TMEM229A: variants seen among roughly 807,000 people sequenced by gnomAD.
The protein encoded by TMEM229A is transmembrane protein 229A.
In TMEM229A, 23 loss-of-function variants were observed where a neutral mutation model predicts 30.0. That is an observed-to-expected ratio of 0.77 (90% CI 0.55 to 1.09). The LOEUF is 1.09. Among genes scored for constraint, TMEM229A ranks in the 50% least tolerant of loss-of-function variants. The pLI is 0.00. For missense variants in TMEM229A, 534 were observed against 525.9 expected (o/e 1.02, Z -0.15); for synonymous variants, 264 against 241.5 (o/e 1.09, Z -0.86).
In TMEM229A at chr7:124,032,305, G is replaced by A. The variant is rs931368270; in HGVS notation, c.699C>T (p.Ala233=). ...GTAGGTCGGGCAGCCCCTGGCTGGGGGCTCCCCCGGCGCCCCTGGGGCCAC... is the reference window on the plus strand; with the variant it reads ...GTAGGTCGGGCAGCCCCTGGCTGGGAGCTCCCCCGGCGCCCCTGGGGCCAC... ...RPRGPRGAGG[A]PSQGLPDLPR... The change falls in exon 1 of 1, where the codon GCC becomes GCT. Residue 233 remains alanine (A), a synonymous_variant. Transcript: ENST00000455783. The surrounding 1 kb of genome is among the most constrained non-coding windows in gnomAD (Gnocchi z 6.6). 1 of 1,549,956 alleles carries A rather than the reference G, an allele frequency of 6.5e-7. No individual in the cohort carries two copies.
Position 124,032,513 on chromosome 7 carries a change from A to C in TMEM229A, c.491T>G (p.Val164Gly). Reference sequence around the variant, plus strand: ...CACTTGGCAGTGGTAGAGCGCCAGCACGTACTGCAGCGCCAGGTCCAGCGC... The same window carrying C: ...CACTTGGCAGTGGTAGAGCGCCAGCCCGTACTGCAGCGCCAGGTCCAGCGC... ...PGALDLALQY[V>G]LALYHCQVFL... Residue 164 changes from valine to glycine, a missense_variant, in exon 1 of 1, where the codon GTG becomes GGG. Transcript: ENST00000455783. The surrounding 1 kb of genome is among the most constrained non-coding windows in gnomAD (Gnocchi z 6.6). 6.5e-7 allele frequency: 1 copy of C among 1,550,068 alleles called. No individual in the cohort carries two copies. Among genetic ancestry groups the C allele is most frequent in the Non-Finnish European group, 8.7e-7 (1 of 1,146,442 alleles).
Position 124,032,821 on chromosome 7 carries a change from C to T in TMEM229A, c.183G>A (p.Gly61=), listed in dbSNP as rs759879833. 3.1e-4 allele frequency: 486 copies of T among 1,549,816 alleles called. 6 individuals are homozygous for T. The Middle Eastern group carries it at 8.2e-3, about 26-fold the overall frequency. Residue 61 remains glycine, a synonymous_variant, in exon 1 of 1, where the codon GGG becomes GGA. Transcript: ENST00000455783. This position sits in a 1 kb window ranked among gnomAD's most constrained non-coding sequence, Gnocchi z 6.6. ...LPAWMRLYFY[G]MHGITLDVLV... The stretch of plus-strand genomic sequence containing the variant: ...GCACGTCCAGGGTGATCCCGTGCAT[C>T]CCGTAGAAGTAGAGGCGCATCCAGG...
In TMEM229A at chr7:124,032,054, A is replaced by G; in HGVS notation, c.950T>C (p.Ile317Thr). ...ACCCCAGGACAGCTCCCACACGTAG[A>G]TGAAGATCACGTAGATGGGCACCCG... is the stretch of plus-strand genomic sequence containing the variant. ...WKRVPIYVIF[I>T]YVWELSWGLG... The change falls in exon 1 of 1, where the codon ATC (isoleucine) becomes ACC (threonine). Residue 317 changes from isoleucine to threonine, a missense_variant. Transcript: ENST00000455783. This position sits in a 1 kb window ranked among gnomAD's most constrained non-coding sequence, Gnocchi z 6.6. 1 of 1,551,696 alleles carries G rather than the reference A, an allele frequency of 6.4e-7. No individual in the cohort carries two copies. Among genetic ancestry groups the G allele is most frequent in the Non-Finnish European group, 8.7e-7 (1 of 1,146,994 alleles).
In TMEM229A at chr7:124,032,376, C is replaced by T; in HGVS notation, c.628G>A (p.Gly210Ser). The change falls in exon 1 of 1, where the codon GGC (glycine) becomes AGC (serine). Residue 210 changes from glycine (G) to serine (S), a missense_variant. By Grantham distance (56) the Gly-to-Ser change is moderately conservative. Transcript: ENST00000455783. This position sits in a 1 kb window ranked among gnomAD's most constrained non-coding sequence, Gnocchi z 6.6. Reference sequence around the variant, plus strand: ...CCGGCCGCAGTAGGGACCCGGGCGCCGGGAGGGACGGGGAGCGCGCCCCTC... The same window carrying T: ...CCGGCCGCAGTAGGGACCCGGGCGCTGGGAGGGACGGGGAGCGCGCCCCTC... ...QRRGALPVPP[G>S]ARVPTAAGAR... 1 of 1,541,034 alleles carries T rather than the reference C, an allele frequency of 6.5e-7. No individual in the cohort carries two copies. The highest frequency in any genetic ancestry group is 8.7e-7 in the Non-Finnish European group (1 of 1,144,024).
rs1393880836 is a variant in TMEM229A at position 124,032,832 on chromosome 7, A to G, written c.172T>C (p.Tyr58His). 6.5e-7 allele frequency: 1 copy of G among 1,547,828 alleles called. No individual in the cohort carries two copies. The highest frequency in any genetic ancestry group is 2.0e-5 in the Admixed American group (1 of 50,748). ...GTGATCCCGTGCATCCCGTAGAAGT[A>G]GAGGCGCATCCAGGCGGGCAGCGTG... The part of the protein sequence containing the change: ...SATLPAWMRL[Y>H]FYGMHGITLD... The change falls in exon 1 of 1, where the codon TAC becomes CAC. Residue 58 changes from tyrosine (Y) to histidine (H), a missense_variant. Physicochemically the swap from Tyr to His is moderately conservative, Grantham distance 83 (BLOSUM62 2). Coordinates refer to ENST00000455783, the MANE Select transcript of TMEM229A (RefSeq NM_001136002.2). This position sits in a 1 kb window ranked among gnomAD's most constrained non-coding sequence, Gnocchi z 6.6.
rs753043980 is a variant in TMEM229A at position 124,032,105 on chromosome 7, T to C, written c.899A>G (p.Tyr300Cys). ...VVEKLYFHLH[Y>C]SRGWGTWKRV... ...CTTCCAAGTGCCCCAACCGCGGCTG[T>C]AGTGGAGGTGGAAGTAGAGCTTTTC... The change falls in exon 1 of 1, where the codon TAC becomes TGC. Residue 300 changes from tyrosine (Y) to cysteine (C), a missense_variant. Physicochemically the swap from Tyr to Cys is radical, Grantham distance 194. Transcript: ENST00000455783. This position sits in a 1 kb window ranked among gnomAD's most constrained non-coding sequence, Gnocchi z 6.6. The C allele has an allele frequency of 1.9e-5, 29 of 1,551,498 alleles. No individual in the cohort carries two copies. Among genetic ancestry groups the C allele is most frequent in the Non-Finnish European group, 2.4e-5 (27 of 1,146,978 alleles).
Position 124,032,578 on chromosome 7 carries a change from G to A in TMEM229A, c.426C>T (p.Leu142=), listed in dbSNP as rs1409029517. The A allele has an allele frequency of 2.1e-5, 33 of 1,550,134 alleles. No individual in the cohort carries two copies. The highest frequency in any genetic ancestry group is 2.7e-5 in the African/African-American group (2 of 73,010). ...CGACCCCCGCCCCGCCGCCCAGGCT[G>A]AGTAGTAGCGCCTGGCCCGCTAGGG... ...LQTLAGQALL[L]SLGGGAGVAV... Residue 142 remains leucine (L), a synonymous_variant, in exon 1 of 1, where the codon CTC becomes CTT. Transcript: ENST00000455783. This position sits in a 1 kb window ranked among gnomAD's most constrained non-coding sequence, Gnocchi z 6.6.
chr7:124,032,632 G>A lies in TMEM229A; in HGVS notation c.372C>T (p.Leu124=). 6 of 1,551,306 alleles carry A rather than the reference G, an allele frequency of 3.9e-6. No homozygotes were observed. The highest frequency in any genetic ancestry group is 5.2e-6 in the Non-Finnish European group (6 of 1,146,784). The change falls in exon 1 of 1, where the codon CTC becomes CTT. Residue 124 remains leucine, a synonymous_variant. Coordinates refer to ENST00000455783, the MANE Select transcript of TMEM229A (RefSeq NM_001136002.2). The surrounding 1 kb of genome is among the most constrained non-coding windows in gnomAD (Gnocchi z 6.6). ...GCAGCCCCACGTGGGCCGAGGGGTAGAGGAGGAAATTGAAGACGAAGGCGT... is the reference window on the plus strand; with the variant it reads ...GCAGCCCCACGTGGGCCGAGGGGTAAAGGAGGAAATTGAAGACGAAGGCGT... ...CPNAFVFNFL[L]YPSAHVGLQT... is the part of the protein sequence containing the mutation.
Position 124,031,928 on chromosome 7 carries a change from A to T in TMEM229A, c.1076T>A (p.Phe359Tyr), listed in dbSNP as rs1159241785. The T allele has an allele frequency of 2.6e-6, 4 of 1,551,680 alleles. No homozygotes were observed. Among genetic ancestry groups the T allele is most frequent in the Non-Finnish European group, 3.5e-6 (4 of 1,147,002 alleles). The change falls in exon 1 of 1, where the codon TTC (phenylalanine) becomes TAC (tyrosine). Residue 359 changes from phenylalanine to tyrosine, a missense_variant. By Grantham distance (22) the Phe-to-Tyr change is conservative (BLOSUM62 3). Coordinates refer to ENST00000455783, the MANE Select transcript of TMEM229A (RefSeq NM_001136002.2). This position sits in a 1 kb window ranked among gnomAD's most constrained non-coding sequence, Gnocchi z 4.1. ...AATTAGGTCCTGGTACACACTAAGG[A>T]ATATCCAGCCAGGTAAATACATCAG... Reference protein sequence around the residue: ...ITLMYLPGWIFLSVYQDLISN... With the variant: ...ITLMYLPGWIYLSVYQDLISN...
In TMEM229A at chr7:124,032,945, C is replaced by A. The variant is rs1563050416; in HGVS notation, c.59G>T (p.Arg20Leu). ...TCCTGGCCCGCCAGGGGCCCCCGGA[C>A]GCCGCGCCGCGCCGCCCCTCCGTGC... ...GPARRGGAARRPGAPGGPGSE... is the reference protein window; with the variant it reads ...GPARRGGAARLPGAPGGPGSE... The change falls in exon 1 of 1, where the codon CGT becomes CTT. Residue 20 changes from arginine (R) to leucine (L), a missense_variant. Coordinates refer to ENST00000455783, the MANE Select transcript of TMEM229A (RefSeq NM_001136002.2). This position sits in a 1 kb window ranked among gnomAD's most constrained non-coding sequence, Gnocchi z 6.6. 1.5e-6 allele frequency: 2 copies of A among 1,338,042 alleles called. No individual in the cohort carries two copies. The highest frequency in any genetic ancestry group is 1.9e-6 in the Non-Finnish European group (2 of 1,050,300). The allele number at this position is 1,338,042 out of a possible 1,614,324, so 82.9% of individuals were successfully genotyped here. A position where few individuals can be genotyped will look rare whatever the true frequency, so the allele number is the denominator to read the frequency against.
At position 124,031,435 on chromosome 7, in the gene TMEM229A, A is replaced by G. The variant is rs1793131266; in HGVS notation, c.*426T>C. On this transcript the variant is annotated 3_prime_UTR_variant, in exon 1 of 1. Transcript: ENST00000455783. The surrounding 1 kb of genome is among the most constrained non-coding windows in gnomAD (Gnocchi z 4.1). ...AAAGTAAAACAAATCACTGAATCAG[A>G]AAATTTAGCCAAATCTTGTAAAAAT... is the stretch of plus-strand genomic sequence containing the variant. The G allele has an allele frequency of 6.5e-6, 1 of 154,694 alleles. No individual in the cohort carries two copies. The highest frequency in any genetic ancestry group is 2.4e-5 in the African/African-American group (1 of 41,542). 9.6% of individuals were successfully genotyped at this position (154,694 alleles called of 1,614,324 possible). A position where few individuals can be genotyped will look rare whatever the true frequency, so the allele number is the denominator to read the frequency against.
chr7:124,032,106 AGTG>A lies in TMEM229A; in HGVS notation c.895_897del (p.His299del), dbSNP rs1322835489. ...TTCCAAGTGCCCCAACCGCGGCTGTAGTGGAGGTGGAAGTAGAGCTTTTCCACC... is the reference window on the plus strand; with the variant it reads ...TTCCAAGTGCCCCAACCGCGGCTGTAGAGGTGGAAGTAGAGCTTTTCCACC... On this transcript the variant is annotated inframe_deletion, in exon 1 of 1. Transcript: ENST00000455783. The surrounding 1 kb of genome is among the most constrained non-coding windows in gnomAD (Gnocchi z 6.6). The A allele has an allele frequency of 1.0e-5, 16 of 1,551,740 alleles. No homozygotes were observed. Among genetic ancestry groups the A allele is most frequent in the Non-Finnish European group, 1.1e-5 (13 of 1,146,994 alleles).
chr7:124,032,463 G>T lies in TMEM229A; in HGVS notation c.541C>A (p.Arg181=). The part of the protein sequence containing the change: ...QVFLKRFLRL[R]YGRQRRRQQQ... ...TGCCGCCGCCTCTGTCGCCCGTACCGCAAGCGCAGGAAGCGCTTCAGGAAC... is the reference window on the plus strand; with the variant it reads ...TGCCGCCGCCTCTGTCGCCCGTACCTCAAGCGCAGGAAGCGCTTCAGGAAC... Residue 181 remains arginine (R), a synonymous_variant, in exon 1 of 1, where the codon CGG becomes AGG. Coordinates refer to ENST00000455783, the MANE Select transcript of TMEM229A (RefSeq NM_001136002.2). This position sits in a 1 kb window ranked among gnomAD's most constrained non-coding sequence, Gnocchi z 6.6. 2.6e-6 allele frequency: 4 copies of T among 1,548,710 alleles called. No individual in the cohort carries two copies. The highest frequency in any genetic ancestry group is 3.5e-6 in the Non-Finnish European group (4 of 1,146,534).
In TMEM229A at chr7:124,032,176, C is replaced by G; in HGVS notation, c.828G>C (p.Thr276=). The G allele has an allele frequency of 6.4e-7, 1 of 1,551,832 alleles. No homozygotes were observed. The highest frequency in any genetic ancestry group is 8.7e-7 in the Non-Finnish European group (1 of 1,147,008). The change falls in exon 1 of 1, where the codon ACG becomes ACC. Residue 276 remains threonine, a synonymous_variant. Transcript: ENST00000455783. The surrounding 1 kb of genome is among the most constrained non-coding windows in gnomAD (Gnocchi z 6.6). ...CGTACATAAAGAAGGACCAGAGCGA[C>G]GTGTGGCCGCTGGTTGTCCCGTCCC... The part of the protein sequence containing the change: ...GQGDGTTSGH[T]SLWSFFMYGS...
chr7:124,032,946 G>C lies in TMEM229A; in HGVS notation c.58C>G (p.Arg20Gly). The C allele has an allele frequency of 7.5e-7, 1 of 1,338,332 alleles. No homozygotes were observed. Among genetic ancestry groups the C allele is most frequent in the South Asian group, 2.0e-5 (1 of 49,666 alleles). The allele number at this position is 1,338,332 out of a possible 1,614,324, so 82.9% of individuals were successfully genotyped here. Residue 20 changes from arginine (R) to glycine (G), a missense_variant, in exon 1 of 1, where the codon CGT becomes GGT. Transcript: ENST00000455783. The surrounding 1 kb of genome is among the most constrained non-coding windows in gnomAD (Gnocchi z 6.6). ...CCTGGCCCGCCAGGGGCCCCCGGAC[G>C]CCGCGCCGCGCCGCCCCTCCGTGCG... ...GPARRGGAAR[R>G]PGAPGGPGSE...
chr7:124,033,019 C>T lies in TMEM229A; in HGVS notation c.-16G>A, dbSNP rs1169785188. The T allele has an allele frequency of 3.2e-6, 4 of 1,245,008 alleles. No individual in the cohort carries two copies. The African/African-American group carries it at 6.3e-5, about 20-fold the overall frequency. The allele number at this position is 1,245,008 out of a possible 1,614,324, so 77.1% of individuals were successfully genotyped here. On this transcript the variant is annotated 5_prime_UTR_variant, in exon 1 of 1. Transcript: ENST00000455783. ...TCCCCGCCATGGGCTCGGAGGCTGT[C>T]CGAACGCCCGAGGCTGCACCGCCGC...
In TMEM229A at chr7:124,032,514, C is replaced by T. The variant is rs1299347024; in HGVS notation, c.490G>A (p.Val164Met). Residue 164 changes from valine (V) to methionine (M), a missense_variant, in exon 1 of 1, where the codon GTG becomes ATG. Val to Met is a conservative substitution (Grantham distance 21). Coordinates refer to ENST00000455783, the MANE Select transcript of TMEM229A (RefSeq NM_001136002.2). The surrounding 1 kb of genome is among the most constrained non-coding windows in gnomAD (Gnocchi z 6.6). ...PGALDLALQY[V>M]LALYHCQVFL... ...ACTTGGCAGTGGTAGAGCGCCAGCA[C>T]GTACTGCAGCGCCAGGTCCAGCGCC... is the stretch of plus-strand genomic sequence containing the variant. 3.2e-6 allele frequency: 5 copies of T among 1,549,822 alleles called. No homozygotes were observed. The highest frequency in any genetic ancestry group is 1.4e-5 in the African/African-American group (1 of 73,002).
Position 124,032,358 on chromosome 7 carries a change from C to A in TMEM229A, c.646G>T (p.Ala216Ser). 2 of 1,541,092 alleles carry A rather than the reference C, an allele frequency of 1.3e-6. No individual in the cohort carries two copies. The highest frequency in any genetic ancestry group is 1.7e-6 in the Non-Finnish European group (2 of 1,143,552). ...PVPPGARVPT[A>S]AGARRRRPRG... Reference sequence around the variant, plus strand: ...GGTCGTCGCCGCCGGGCTCCGGCCGCAGTAGGGACCCGGGCGCCGGGAGGG... The same window carrying A: ...GGTCGTCGCCGCCGGGCTCCGGCCGAAGTAGGGACCCGGGCGCCGGGAGGG... The change falls in exon 1 of 1, where the codon GCG (alanine) becomes TCG (serine). Residue 216 changes from alanine (A) to serine (S), a missense_variant. By Grantham distance (99) the Ala-to-Ser change is moderately conservative (BLOSUM62 1). Transcript: ENST00000455783. This position sits in a 1 kb window ranked among gnomAD's most constrained non-coding sequence, Gnocchi z 6.6.
Position 124,031,924 on chromosome 7 carries a change from A to G in TMEM229A, c.1080T>C (p.Leu360=). The change falls in exon 1 of 1, where the codon CTT becomes CTC. Residue 360 remains leucine (L), a synonymous_variant. Coordinates refer to ENST00000455783, the MANE Select transcript of TMEM229A (RefSeq NM_001136002.2). This position sits in a 1 kb window ranked among gnomAD's most constrained non-coding sequence, Gnocchi z 4.1. ...TGGAAATTAGGTCCTGGTACACACT[A>G]AGGAATATCCAGCCAGGTAAATACA... ...TLMYLPGWIF[L]SVYQDLISNV... is the part of the protein sequence containing the mutation. 6.4e-7 allele frequency: 1 copy of G among 1,551,710 alleles called. No individual in the cohort carries two copies. Among genetic ancestry groups the G allele is most frequent in the South Asian group, 1.2e-5 (1 of 84,062 alleles).
Sources: allele counts gnomAD v4.1 joint callset, GRCh38; gene constraint gnomAD v4.1.1; non-coding constraint Gnocchi (gnomAD v3.1); transcripts MANE v1.5; gene names NCBI Gene and HGNC (gene_info 2026-07-23, HGNC 2026-07-21).